Variants in RFTN2 observed in about 807,000 individuals in gnomAD.
RFTN2 encodes the protein raftlin-2.
RFTN2 carries 34 observed loss-of-function variants against 52.7 expected under a neutral mutation model. That is an observed-to-expected ratio of 0.64 (90% CI 0.49 to 0.86). RFTN2 has a LOEUF of 0.86. Ranked by LOEUF, RFTN2 falls within the 40% of genes least tolerant of loss-of-function variation. The pLI is 0.00. For synonymous variants in RFTN2, 203 were observed against 217.7 expected (o/e 0.93, Z 0.59); for missense variants, 536 against 600.1 (o/e 0.89, Z 1.12).
chr2:197,667,261 C>G (rs1272663395), intron 1 of RFTN2, among the ~76,000 whole-genome samples: 2 of 152,214 alleles, frequency 1.3e-5, no homozygotes, highest in African/African-American at 4.8e-5. Context: ...GTTGGGATTA[C>G]AGACATGAGC....
chr2:197,615,395 G>T (rs1265767392), intron 7 of RFTN2, among the ~76,000 whole-genome samples: 1 of 152,216 alleles, frequency 6.6e-6, no homozygotes, highest in African/African-American at 2.4e-5. Context: ...CTTGGTCTCT[G>T]TTTCCCTCTC....
intron 8 of RFTN2, among the ~76,000 whole-genome samples, chr2:197,580,581 G>T (rs934130047): frequency 1.1e-4 from 16 of 152,230 alleles, no homozygotes; most frequent in African/African-American, 3.9e-4. Context: ...TCAGCTTAAA[G>T]GCTGAAGGCT....
At chr2:197,654,337 G>A (rs2088864723) in intron 1 of RFTN2, among the ~76,000 whole-genome samples, 1 of 152,004 alleles carries the variant, frequency 6.6e-6, no homozygotes, top group Non-Finnish European at 1.5e-5. Flanking sequence ...AACTTCTTGA[G>A]TAAGCCATGA....
intron 8 of RFTN2, 62 bp from the exon 9 acceptor site, chr2:197,572,342 G>A: frequency 1.3e-6 from 2 of 1,516,022 alleles, no homozygotes; most frequent in South Asian, 1.2e-5. Context: ...TGTCCCTCTG[G>A]TCTAGCACAT....
chr2:197,585,898 C>T (rs1226961793), intron 8 of RFTN2, among the ~76,000 whole-genome samples: 1 of 152,176 alleles, frequency 6.6e-6, no homozygotes, highest in Non-Finnish European at 1.5e-5. Flanking sequence ...CTCTACTCCC[C>T]ACATATTCGG....
chr2:197,613,417 T>C (rs1559349260), intron 7 of RFTN2, among the ~76,000 whole-genome samples: 1 of 152,214 alleles, frequency 6.6e-6, no homozygotes, highest in Non-Finnish European at 1.5e-5. Context: ...AGCTAAACAA[T>C]GATGAAGCTA....
intron 4 of RFTN2, among the ~76,000 whole-genome samples, chr2:197,633,032 G>T (rs1574725609): frequency 6.6e-6 from 1 of 152,160 alleles, no homozygotes; most frequent in African/African-American, 2.4e-5. Flanking sequence ...AGCCCATGTT[G>T]TTAATGCTAA....
chr2:197,615,901 G>A lies in RFTN2; in HGVS notation c.1129C>T (p.Pro377Ser), dbSNP rs146246670. The A allele has an allele frequency of 1.9e-6, 3 of 1,554,958 alleles. No homozygotes were observed. The highest frequency in any genetic ancestry group is 2.6e-6 in the Non-Finnish European group (3 of 1,147,362). ...CTGTCATGTCTCAATACAGGTGTGG[G>A]CAACACGCTTGTCAGAAGCCATCCG... ...EFGWLLTSVL[P>S]TPVLRHDSEG... Residue 377 changes from proline (P) to serine (S), a missense_variant, in exon 7 of 9, where the codon CCC (proline) becomes TCC (serine). By Grantham distance (74) the Pro-to-Ser change is moderately conservative. Coordinates refer to ENST00000295049, the MANE Select transcript of RFTN2 (RefSeq NM_144629.3).
intron 7 of RFTN2, among the ~76,000 whole-genome samples, chr2:197,604,478 T>C (rs973037315): frequency 6.6e-6 from 1 of 152,216 alleles, no homozygotes; most frequent in African/African-American, 2.4e-5. Flanking sequence ...TATGATATGA[T>C]TCCATTCATA....
chr2:197,618,812 A>G (rs1290095826), intron 5 of RFTN2, among the ~76,000 whole-genome samples: 7 of 136,980 alleles, frequency 5.1e-5, no homozygotes, highest in African/African-American at 2.0e-4. Flanking sequence ...CTGCCTGGCA[A>G]CCGCCCCGTC....
At chr2:197,580,878 G>A (rs6757364) in intron 8 of RFTN2, among the ~76,000 whole-genome samples, 26,622 of 151,936 alleles carry the variant, frequency 0.18, 2,393 homozygotes, top group Middle Eastern at 0.29. Context: ...TTATTAGGCT[G>A]ACACATTTTA....
At chr2:197,586,221 C>G (rs759668492) in intron 8 of RFTN2, among the ~76,000 whole-genome samples, 8 of 152,160 alleles carry the variant, frequency 5.3e-5, no homozygotes, top group Non-Finnish European at 1.2e-4. Flanking sequence ...TTCTTGTTTA[C>G]TTATACCCAG....
At chr2:197,587,268 A>C (rs778379056) in intron 8 of RFTN2, among the ~76,000 whole-genome samples, 5 of 151,978 alleles carry the variant, frequency 3.3e-5, no homozygotes, top group African/African-American at 4.8e-5. Flanking sequence ...ATCGCCCATT[A>C]TCTCTCCATA....
intron 5 of RFTN2, among the ~76,000 whole-genome samples, chr2:197,629,095 G>T (rs1010637141): frequency 6.6e-6 from 1 of 152,162 alleles, no homozygotes; most frequent in African/African-American, 2.4e-5. Flanking sequence ...CCATTACTGC[G>T]TATATACCCA....
At chr2:197,590,881 G>A (rs1015116508) in intron 8 of RFTN2, among the ~76,000 whole-genome samples, 30 of 152,220 alleles carry the variant, frequency 2.0e-4, no homozygotes, top group African/African-American at 6.3e-4. Context: ...GACCCAAAGA[G>A]GGAGCAGCAG....
At chr2:197,636,878 G>A (rs1425552060) in intron 3 of RFTN2, among the ~76,000 whole-genome samples, 1 of 150,402 alleles carries the variant, frequency 6.6e-6, no homozygotes, top group African/African-American at 2.4e-5. Flanking sequence ...CTGTGGGTTT[G>A]TCATAGATAG....
At chr2:197,618,557 A>ATG (rs2088190904) in intron 5 of RFTN2, among the ~76,000 whole-genome samples, 1 of 147,178 alleles carries the variant, frequency 6.8e-6, no homozygotes, top group Non-Finnish European at 1.5e-5. Flanking sequence ...ATCGTCTGGG[A>ATG]TGTGAGGAGC....
chr2:197,588,694 A>G (rs986547134), intron 8 of RFTN2, among the ~76,000 whole-genome samples: 1 of 152,222 alleles, frequency 6.6e-6, no homozygotes, highest in African/African-American at 2.4e-5. Flanking sequence ...AACACCCAAG[A>G]CAGGGACTGC....
At chr2:197,617,729 CCAAA>C (rs1038463085) in intron 6 of RFTN2, 67 bp downstream of exon 6, 1 of 629,078 alleles carries the variant, frequency 1.6e-6, no homozygotes, top group Non-Finnish European at 2.1e-6. Flanking sequence ...AAAACCCAAA[CCAAA>C]CATATATATA....
Sources: gnomAD v4.1 joint callset for allele counts (sites outside exome capture counted in the v4.1 genomes callset) on GRCh38, gnomAD v4.1.1 for gene constraint, MANE v1.5 for transcripts, NCBI Gene and HGNC (gene_info 2026-07-23, HGNC 2026-07-21) for gene names.